Variants in STK32B observed in about 807,000 individuals in gnomAD.
STK32B encodes the protein serine/threonine kinase 32B.
Under a neutral mutation model 52.6 loss-of-function variants are expected in STK32B, and 43 were observed. The observed-to-expected ratio is 0.82, with a 90% CI of 0.64 to 1.05. The LOEUF is 1.05. STK32B is among the 50% of genes least tolerant of loss of function. The pLI is 0.00. For missense variants in STK32B, 621 were observed against 534.6 expected (o/e 1.16, Z -1.59); for synonymous variants, 238 against 204.3 (o/e 1.17, Z -1.41).
intron 4 of STK32B, among the ~76,000 whole-genome samples, chr4:5,393,551 G>A (rs1736708010): frequency 1.3e-5 from 2 of 152,116 alleles, no homozygotes; most frequent in African/African-American, 2.4e-5. Flanking sequence ...TACGATGGTG[G>A]CAAAAGGCAA....
chr4:5,051,713 C>T lies in STK32B; in HGVS notation c.-151C>T, dbSNP rs902738811. ...AGGAGAAGGGGGACGCCGTCCCCGC[C>T]CCTGCACGGTGCTCGGCCCCCTCGG... On this transcript the variant is annotated 5_prime_UTR_variant, in exon 1 of 12. Transcript: ENST00000282908. The T allele has an allele frequency of 2.1e-6, 2 of 970,840 alleles. No homozygotes were observed. Among genetic ancestry groups the T allele is most frequent in the East Asian group, 2.9e-5 (1 of 34,384 alleles). 60.1% of individuals were successfully genotyped at this position (970,840 alleles called of 1,614,324 possible).
chr4:5,468,858 C>T (rs1229554693), intron 11 of STK32B, among the ~76,000 whole-genome samples: 7 of 151,952 alleles, frequency 4.6e-5, no homozygotes, highest in Admixed American at 1.3e-4. Flanking sequence ...GTCAGGATAT[C>T]GAGACCACGG....
At chr4:5,278,114 A>G (rs1727954178) in intron 3 of STK32B, among the ~76,000 whole-genome samples, 1 of 152,212 alleles carries the variant, frequency 6.6e-6, no homozygotes, top group Non-Finnish European at 1.5e-5. Flanking sequence ...GGTGGCAGGT[A>G]GAAGATGACG....
chr4:5,415,181 T>G (rs1301728583), intron 5 of STK32B, among the ~76,000 whole-genome samples: 3 of 152,204 alleles, frequency 2.0e-5, no homozygotes, highest in African/African-American at 7.2e-5. Context: ...ATAATAATGC[T>G]AAAAGCAAAC....
intron 4 of STK32B, among the ~76,000 whole-genome samples, chr4:5,349,306 C>T (rs1484061617): frequency 6.6e-6 from 1 of 152,128 alleles, no homozygotes; most frequent in Non-Finnish European, 1.5e-5. Context: ...CAGTGCCCAG[C>T]AAAACTTCAG....
At chr4:5,122,493 A>C (rs1715108872) in intron 1 of STK32B, among the ~76,000 whole-genome samples, 1 of 151,468 alleles carries the variant, frequency 6.6e-6, no homozygotes, top group African/African-American at 2.4e-5. Flanking sequence ...TCATTCACAC[A>C]CATTCACTCA....
chr4:5,032,303 G>A, the STK32B span, among the ~76,000 whole-genome samples: 3 of 151,300 alleles, frequency 2.0e-5, no homozygotes, highest in South Asian at 2.1e-4. Context: ...GTGAAACCCC[G>A]TCTCTACTAA....
intron 9 of STK32B, among the ~76,000 whole-genome samples, chr4:5,464,287 G>T (rs776317699): frequency 6.6e-6 from 1 of 152,214 alleles, no homozygotes; most frequent in Non-Finnish European, 1.5e-5. Context: ...GGACAGGCAA[G>T]TTATGTCACC....
At chr4:5,212,005 G>T (rs909625520) in intron 3 of STK32B, among the ~76,000 whole-genome samples, 6 of 152,114 alleles carry the variant, frequency 3.9e-5, no homozygotes, top group Non-Finnish European at 8.8e-5. Context: ...AGGGACTAAC[G>T]GTAATTCATT....
intron 3 of STK32B, among the ~76,000 whole-genome samples, chr4:5,259,976 GT>G (rs1157647597): frequency 1.3e-5 from 2 of 151,928 alleles, no homozygotes; most frequent in African/African-American, 4.8e-5. Flanking sequence ...GAGCATAAGT[GT>G]GCAGAGCTAG....
chr4:5,485,061 T>G (rs918468002), intron 11 of STK32B, among the ~76,000 whole-genome samples: 14 of 152,068 alleles, frequency 9.2e-5, no homozygotes, highest in African/African-American at 3.4e-4. Flanking sequence ...CTGACAGTTA[T>G]GTGTCTTGGA....
intron 1 of STK32B, among the ~76,000 whole-genome samples, chr4:5,104,517 G>C (rs1327713676): frequency 6.6e-6 from 1 of 152,158 alleles, no homozygotes; most frequent in African/African-American, 2.4e-5. Context: ...ATTGTGAATG[G>C]ATAGTAATTC....
intron 4 of STK32B, among the ~76,000 whole-genome samples, chr4:5,389,221 A>C (rs139670401): frequency 2.6e-4 from 40 of 152,212 alleles, no homozygotes; most frequent in African/African-American, 9.4e-4. Context: ...CCACATACGG[A>C]CTCCATGATG....
chr4:5,449,171 C>T (rs190072760), intron 7 of STK32B, among the ~76,000 whole-genome samples: 1 of 152,216 alleles, frequency 6.6e-6, no homozygotes, highest in Admixed American at 6.5e-5. Flanking sequence ...TGAAACCCTG[C>T]CTCTACTAAA....
chr4:5,259,274 T>G (rs73084004), intron 3 of STK32B, among the ~76,000 whole-genome samples: 14,165 of 152,272 alleles, frequency 0.093, 1,815 homozygotes, highest in African/African-American at 0.29. Context: ...ACAGGAATTC[T>G]TATGTCTGTT....
intron 1 of STK32B, among the ~76,000 whole-genome samples, chr4:5,089,716 C>G (rs1345904367): frequency 6.6e-6 from 1 of 152,020 alleles, no homozygotes; most frequent in Non-Finnish European, 1.5e-5. Flanking sequence ...TGAGTATATA[C>G]CTAGTAATGG....
chr4:5,495,627 A>G (rs943215767), intron 11 of STK32B, among the ~76,000 whole-genome samples: 3 of 152,098 alleles, frequency 2.0e-5, no homozygotes, highest in Non-Finnish European at 2.9e-5. Flanking sequence ...GAGGAGCTGC[A>G]TTCCTTTGGA....
chr4:5,467,416 C>T lies in STK32B; in HGVS notation c.1041+582C>T, dbSNP rs1305732831. ...GCTGCATGGTTCCAGTCTCTCCCTC[C>T]GTCACTGCATGGCCTTATTCTCTGT... On this transcript the variant is annotated intron_variant, in intron 10 of 11. Coordinates refer to ENST00000282908, the MANE Select transcript of STK32B (RefSeq NM_018401.3). The surrounding 1 kb of genome is among the most constrained non-coding windows in gnomAD (Gnocchi z 5.8). Among the ~76,000 whole-genome samples the T allele has an allele frequency of 2.6e-5, 4 of 152,266 alleles. No individual in the cohort carries two copies. Among genetic ancestry groups the T allele is most frequent in the East Asian group, 1.9e-4 (1 of 5,152 alleles).
At chr4:5,154,716 C>G (rs1329720062) in intron 2 of STK32B, among the ~76,000 whole-genome samples, 1 of 152,208 alleles carries the variant, frequency 6.6e-6, no homozygotes, top group Admixed American at 6.5e-5. Context: ...GGCTGCTGAT[C>G]TGCCTTCTCC....
Sources: allele counts gnomAD v4.1 joint callset (sites outside exome capture counted in the v4.1 genomes callset), GRCh38; gene constraint gnomAD v4.1.1; non-coding constraint Gnocchi (gnomAD v3.1); transcripts MANE v1.5; gene names NCBI Gene and HGNC (gene_info 2026-07-23, HGNC 2026-07-21).